LRCH2: variants seen among roughly 807,000 people sequenced by gnomAD.
LRCH2 encodes leucine rich repeats and calponin homology domain containing 2, also known as leucine-rich repeat and calponin homology domain-containing protein 2.
A neutral mutation model predicts 68.9 loss-of-function variants in LRCH2; 38 were observed. The observed-to-expected ratio is 0.55, with a 90% CI of 0.43 to 0.72. The LOEUF (loss-of-function observed/expected upper bound fraction) is 0.72, where lower values mean the gene tolerates loss of function less well. Ranked by LOEUF, LRCH2 falls within the 30% of genes least tolerant of loss-of-function variation. LRCH2 has a pLI of 0.00. For synonymous variants in LRCH2, 191 were observed against 208.1 expected (o/e 0.92, Z 0.71); for missense variants, 528 against 572.9 (o/e 0.92, Z 0.80).
intron 10 of LRCH2, among the ~76,000 whole-genome samples, chrX:115,164,982 G>C (rs2147388084): frequency 9.0e-6 from 1 of 110,800 alleles, no homozygotes; most frequent in African/African-American, 3.3e-5. Flanking sequence ...GTCATAATCA[G>C]CATGACCAAA....
At chrX:115,133,584 G>A (rs1023193340) in intron 14 of LRCH2, among the ~76,000 whole-genome samples, 2 of 111,933 alleles carry the variant, frequency 1.8e-5, no homozygotes, top group African/African-American at 6.5e-5. Flanking sequence ...CTTCATGTCC[G>A]TCAAATTTTG....
chrX:115,156,178 T>G (rs2072473420), intron 12 of LRCH2, among the ~76,000 whole-genome samples: 1 of 111,826 alleles, frequency 8.9e-6, no homozygotes, highest in Non-Finnish European at 1.9e-5. Context: ...TTTCAAGGTC[T>G]TCTAGTTCTC....
chrX:115,199,854 G>A (rs923503994), intron 1 of LRCH2, among the ~76,000 whole-genome samples: 4 of 112,221 alleles, frequency 3.6e-5, no homozygotes, highest in South Asian at 3.7e-4. Flanking sequence ...ACACTCTTTC[G>A]ATGAGCACAT....
At chrX:115,223,137 A>T (rs1335417376) in intron 1 of LRCH2, among the ~76,000 whole-genome samples, 1 of 111,796 alleles carries the variant, frequency 8.9e-6, no homozygotes, top group Non-Finnish European at 1.9e-5. Context: ...ACCCACATGT[A>T]AAAGAATGAA....
intron 1 of LRCH2, among the ~76,000 whole-genome samples, chrX:115,216,646 TA>T (rs782510372): frequency 8.9e-6 from 1 of 111,979 alleles, no homozygotes; most frequent in East Asian, 2.8e-4. Context: ...GGAGAACGCT[TA>T]TATATTGTTA....
chrX:115,227,953 C>T (rs1279756575), intron 1 of LRCH2, among the ~76,000 whole-genome samples: 1 of 111,785 alleles, frequency 8.9e-6, no homozygotes, highest in Admixed American at 9.5e-5. Flanking sequence ...AAAGAACTTA[C>T]TTTCCTATTT....
At chrX:115,182,438 T>C (rs2094643948) in intron 3 of LRCH2, among the ~76,000 whole-genome samples, 1 of 111,855 alleles carries the variant, frequency 8.9e-6, no homozygotes, top group African/African-American at 3.2e-5. Flanking sequence ...AGTGAGACTT[T>C]AACTAAAAGG....
intron 14 of LRCH2, among the ~76,000 whole-genome samples, chrX:115,137,266 T>C (rs1390552503): frequency 1.8e-5 from 2 of 110,574 alleles, no homozygotes; most frequent in Non-Finnish European, 3.8e-5. Context: ...TAGACATGAA[T>C]TGCAGAAACG....
intron 1 of LRCH2, among the ~76,000 whole-genome samples, chrX:115,214,152 G>T: frequency 8.9e-6 from 1 of 111,926 alleles, no homozygotes; most frequent in East Asian, 2.8e-4. Context: ...ACTCAAATTT[G>T]AGCACAATTA....
rs1251628032 is a variant in LRCH2 at position 115,203,944 on chromosome X, A to T, written c.350-15574T>A. ...CTCCAACCCCACATTTCCCCTCTAC[A>T]CTGCCCTAGTAGAGGTTACCCATGA... On this transcript the variant is annotated intron_variant, in intron 1 of 20. Coordinates refer to ENST00000317135, the MANE Select transcript of LRCH2 (RefSeq NM_020871.4). Among the ~76,000 whole-genome samples the T allele has an allele frequency of 2.7e-5, 3 of 112,359 alleles. No individual in the cohort carries two copies. The Admixed American group carries it at 2.8e-4, about 11-fold the overall frequency.
chrX:115,117,310 G>A (rs1166768381), intron 20 of LRCH2, among the ~76,000 whole-genome samples: 2 of 111,637 alleles, frequency 1.8e-5, no homozygotes, highest in African/African-American at 6.5e-5. Flanking sequence ...TAGTGAGGAT[G>A]TGGAGGAACT....
chrX:115,160,944 T>C (rs1335011788), intron 11 of LRCH2, among the ~76,000 whole-genome samples: 3 of 112,474 alleles, frequency 2.7e-5, no homozygotes, highest in African/African-American at 9.7e-5. Flanking sequence ...GATTATTTAA[T>C]AGAAAAAATA....
intron 12 of LRCH2, among the ~76,000 whole-genome samples, chrX:115,151,498 T>C (rs1556538336): frequency 9.0e-6 from 1 of 111,184 alleles, no homozygotes; most frequent in Non-Finnish European, 1.9e-5. Context: ...AAGATTTAAA[T>C]ATAAAGAAGA....
At chrX:115,123,034 T>C in intron 18 of LRCH2, 46 bp downstream of exon 18, 1 of 1,153,743 alleles carries the variant, frequency 8.7e-7, no homozygotes, top group East Asian at 3.0e-5. Flanking sequence ...TTTTCCAAGT[T>C]AAACCCATTT....
At chrX:115,229,975 C>T (rs1165319733) in intron 1 of LRCH2, among the ~76,000 whole-genome samples, 1 of 112,075 alleles carries the variant, frequency 8.9e-6, no homozygotes, top group East Asian at 2.8e-4. Context: ...TGCTCATGTA[C>T]ATAAACAGGT....
chrX:115,203,752 GT>G (rs2072945849), intron 1 of LRCH2, among the ~76,000 whole-genome samples: 1 of 112,688 alleles, frequency 8.9e-6, no homozygotes, highest in South Asian at 3.7e-4. Flanking sequence ...CTCTACCCTT[GT>G]GGCTCTTCAG....
At chrX:115,210,735 C>A (rs1377815614) in intron 1 of LRCH2, among the ~76,000 whole-genome samples, 4 of 111,579 alleles carry the variant, frequency 3.6e-5, no homozygotes, top group African/African-American at 1.3e-4. Flanking sequence ...CTTATGAAAG[C>A]AGCCAGGAGG....
chrX:115,123,970 A>C lies in LRCH2; in HGVS notation c.1824T>G (p.Ser608Arg). ...CTGATCTAGGCTTCAAGCCAAAGGG[A>C]CTGTGTGAAAAACCATCAGTTCTGT... ...EYDRTDGFSH[S>R]PFGLKPRSAF... The change falls in exon 17 of 21, where the codon AGT (serine) becomes AGG (arginine). Residue 608 changes from serine (S) to arginine (R), a missense_variant. Physicochemically the swap from Ser to Arg is moderately radical, Grantham distance 110. Transcript: ENST00000317135. The C allele has an allele frequency of 9.0e-7, 1 of 1,115,551 alleles. No homozygotes were observed. Among genetic ancestry groups the C allele is most frequent in the East Asian group, 3.4e-5 (1 of 29,298 alleles). 91.9% of individuals were successfully genotyped at this position (1,115,551 alleles called of 1,213,427 possible).
Position 115,184,449 on chromosome X carries a change from G to A in LRCH2, c.583C>T (p.Pro195Ser), listed in dbSNP as rs2072716651. The A allele has an allele frequency of 8.5e-7, 1 of 1,180,963 alleles. No homozygotes were observed. The highest frequency in any genetic ancestry group is 1.8e-5 in the African/African-American group (1 of 56,828). The change falls in exon 3 of 21, where the codon CCA becomes TCA. Residue 195 changes from proline (P) to serine (S), a missense_variant. Pro to Ser is a moderately conservative substitution (Grantham distance 74). Coordinates refer to ENST00000317135, the MANE Select transcript of LRCH2 (RefSeq NM_020871.4). The part of the protein sequence containing the change: ...VVSNNKLVSI[P>S]EEIGKLKDLM... ...TCTTTTAACTTCCCAATTTCTTCTGGAATGGATACCAGTTTATTATTACTG... is the reference window on the plus strand; with the variant it reads ...TCTTTTAACTTCCCAATTTCTTCTGAAATGGATACCAGTTTATTATTACTG...
Sources: allele counts gnomAD v4.1 joint callset (sites outside exome capture counted in the v4.1 genomes callset), GRCh38; gene constraint gnomAD v4.1.1; transcripts MANE v1.5; gene names NCBI Gene and HGNC (gene_info 2026-07-23, HGNC 2026-07-21).